The following SLC71A1 variants were observed in gnomAD, a reference collection of about 807,000 sequenced individuals.
The protein encoded by SLC71A1 is solute carrier family 71 member 1, also known as hippocampus abundant gene transcript 1.
the SLC71A1 span, among the ~76,000 whole-genome samples, chr1:100,057,551 C>T: frequency 1.3e-5 from 2 of 151,866 alleles, no homozygotes; most frequent in Non-Finnish European, 2.9e-5. Flanking sequence ...GATGAGGTTT[C>T]GACATGTTGG....
chr1:100,059,999 G>A, the SLC71A1 span: 1 of 1,608,482 alleles, frequency 6.2e-7, no homozygotes, highest in South Asian at 1.1e-5. Flanking sequence ...ATGAAGATCA[G>A]CCCATGGTAT....
the SLC71A1 span, among the ~76,000 whole-genome samples, chr1:100,053,875 A>T: frequency 6.6e-6 from 1 of 152,152 alleles, no homozygotes; most frequent in Non-Finnish European, 1.5e-5. Flanking sequence ...GAGGTCTAAC[A>T]CTTTTGAGAG....
At chr1:100,057,956 A>G in the SLC71A1 span, 1 of 152,206 alleles carries the variant, frequency 6.6e-6, no homozygotes, top group African/African-American at 2.4e-5. Context: ...AATATTATCT[A>G]ATTCACAGTG....
the SLC71A1 span, among the ~76,000 whole-genome samples, chr1:100,042,281 A>G: frequency 6.6e-6 from 1 of 152,244 alleles, no homozygotes; most frequent in Admixed American, 6.5e-5. Context: ...AAAGTAAGGC[A>G]TATCTGAATT....
the SLC71A1 span, among the ~76,000 whole-genome samples, chr1:100,059,547 T>TTA: frequency 1.1e-3 from 164 of 150,176 alleles, no homozygotes; most frequent in Admixed American, 3.8e-3. Flanking sequence ...GTTTTATGTT[T>TTA]TATATATATA....
At chr1:100,050,768 C>T in the SLC71A1 span, among the ~76,000 whole-genome samples, 1 of 152,004 alleles carries the variant, frequency 6.6e-6, no homozygotes, top group Non-Finnish European at 1.5e-5. Context: ...TATTTATTGA[C>T]AGCTGTGTAA....
the SLC71A1 span, among the ~76,000 whole-genome samples, chr1:100,055,832 A>C: frequency 6.6e-6 from 1 of 152,134 alleles, no homozygotes; most frequent in Non-Finnish European, 1.5e-5. Flanking sequence ...AGCTTACTGC[A>C]ATCTCTGCTT....
the SLC71A1 span, among the ~76,000 whole-genome samples, chr1:100,073,009 A>T: frequency 6.6e-6 from 1 of 152,092 alleles, no homozygotes; most frequent in Admixed American, 6.5e-5. Context: ...TCTGGGTTCC[A>T]TCCCTTGCCC....
At chr1:100,057,362 T>C in the SLC71A1 span, among the ~76,000 whole-genome samples, 1 of 151,572 alleles carries the variant, frequency 6.6e-6, no homozygotes, top group Admixed American at 6.6e-5. Context: ...TCTTTCTTTT[T>C]TTTTTTTTTT....
At chr1:100,058,177 A>T in the SLC71A1 span, 1 of 152,172 alleles carries the variant, frequency 6.6e-6, no homozygotes, top group African/African-American at 2.4e-5. Flanking sequence ...TTTTTTCTTT[A>T]TAGAATCTTT....
chr1:100,042,525 G>A, the SLC71A1 span, among the ~76,000 whole-genome samples: 1 of 152,110 alleles, frequency 6.6e-6, no homozygotes, highest in Admixed American at 6.5e-5. Context: ...TAGGGCCTTT[G>A]TAGACCCAGA....
chr1:100,075,208 G>A, the SLC71A1 span, among the ~76,000 whole-genome samples: 3 of 152,230 alleles, frequency 2.0e-5, no homozygotes, highest in Non-Finnish European at 4.4e-5. Flanking sequence ...ATGCCATCCT[G>A]TTCCCACTGA....
the SLC71A1 span, chr1:100,038,392 T>C: frequency 4.2e-6 from 5 of 1,196,242 alleles, no homozygotes; most frequent in Admixed American, 1.0e-4. Flanking sequence ...CACACTGCCG[T>C]CTCTAGGCGT....
the SLC71A1 span, among the ~76,000 whole-genome samples, chr1:100,072,826 A>C: frequency 1.3e-5 from 2 of 151,966 alleles, no homozygotes; most frequent in Non-Finnish European, 2.9e-5. Flanking sequence ...GCACTAAGTA[A>C]GTGTTTACAT....
chr1:100,062,155 T>G, the SLC71A1 span: 1,303 of 448,278 alleles, frequency 2.9e-3, 13 homozygotes, highest in African/African-American at 0.024. Context: ...TTAGTAGATA[T>G]TCATAAGTCA....
At chr1:100,055,862 C>G in the SLC71A1 span, among the ~76,000 whole-genome samples, 1 of 152,150 alleles carries the variant, frequency 6.6e-6, no homozygotes, top group East Asian at 1.9e-4. Flanking sequence ...AAGCAATTCT[C>G]CTGCCTCAGC....
chr1:100,080,678 G>C, the SLC71A1 span: 2 of 1,605,936 alleles, frequency 1.2e-6, no homozygotes, highest in Non-Finnish European at 1.7e-6. Context: ...CATTCAACAT[G>C]ATCAAATTGT....
At chr1:100,061,042 A>G in the SLC71A1 span, among the ~76,000 whole-genome samples, 1 of 152,282 alleles carries the variant, frequency 6.6e-6, no homozygotes, top group East Asian at 1.9e-4. Flanking sequence ...ATGAAATCTT[A>G]CCAAAAATTG....
chr1:100,059,144 G>GTGTTTTTTTTTT, the SLC71A1 span, among the ~76,000 whole-genome samples: 100 of 75,420 alleles, frequency 1.3e-3, 2 homozygotes, highest in African/African-American at 1.7e-3. Flanking sequence ...TCTTTTTCGT[G>GTGTTTTTTTTTT]TTTTTTTTTT....
Sources: gnomAD v4.1 joint callset for allele counts (sites outside exome capture counted in the v4.1 genomes callset) on GRCh38, gnomAD v4.1.1 for gene constraint, MANE v1.5 for transcripts, NCBI Gene and HGNC (gene_info 2026-07-23, HGNC 2026-07-21) for gene names.